The following PRMT7 variants were observed in gnomAD, a reference collection of about 807,000 sequenced individuals.
PRMT7 encodes protein arginine N-methyltransferase 7.
PRMT7 carries 75 observed loss-of-function variants against 85.4 expected under a neutral mutation model. The ratio of observed to expected loss-of-function variants is 0.88; its 90% CI spans 0.73 to 1.06. The LOEUF is 1.06. PRMT7 is among the 50% of genes least tolerant of loss of function. The pLI is 0.00. For missense variants in PRMT7, 868 were observed against 915.2 expected (o/e 0.95, Z 0.67); for synonymous variants, 397 against 359.5 (o/e 1.10, Z -1.18).
intron 6 of PRMT7, among the ~76,000 whole-genome samples, chr16:68,335,724 C>T (rs1317123133): frequency 6.6e-6 from 1 of 151,468 alleles, no homozygotes; most frequent in African/African-American, 2.4e-5. Context: ...AGGCTCCAGC[C>T]TCGAGCTCGA....
chr16:68,339,343 C>T lies in PRMT7; in HGVS notation c.526C>T (p.His176Tyr), dbSNP rs753981600. The T allele has an allele frequency of 2.9e-5, 47 of 1,613,994 alleles. 1 individual carries two copies. In the South Asian group the frequency reaches 4.3e-4, roughly 15 times the overall value. The change falls in exon 8 of 19, where the codon CAC becomes TAC. Residue 176 changes from histidine (H) to tyrosine (Y), a missense_variant. Physicochemically the swap from His to Tyr is moderately conservative, Grantham distance 83. Coordinates refer to ENST00000441236, the MANE Select transcript of PRMT7 (RefSeq NM_019023.5). The part of the protein sequence containing the change: ...LVEENCEAVP[H>Y]RATVYAQLVE... ...TTAGGAAAATTGTGAGGCCGTGCCC[C>T]ACAGAGCCACCGTCTATGCACAGCT...
At chr16:68,356,823 G>A (rs1049936188) in intron 18 of PRMT7, 26 bp downstream of exon 18, 3 of 1,587,526 alleles carry the variant, frequency 1.9e-6, no homozygotes, top group Non-Finnish European at 2.6e-6. Context: ...CGGGCCCAGT[G>A]TGCGTGCAGA....
chr16:68,332,219 A>G (rs2084003632), intron 6 of PRMT7, among the ~76,000 whole-genome samples: 1 of 152,152 alleles, frequency 6.6e-6, no homozygotes. Flanking sequence ...ACTATGTGAC[A>G]TTTTGATAAT....
intron 9 of PRMT7, among the ~76,000 whole-genome samples, chr16:68,340,690 A>AG (rs1176839291): frequency 1.3e-5 from 2 of 152,346 alleles, no homozygotes; most frequent in East Asian, 3.9e-4. Flanking sequence ...GGGGAAGCTC[A>AG]GGGAAAAAGC....
In PRMT7 at chr16:68,356,703, C is replaced by T. The variant is rs764201606; in HGVS notation, c.1814C>T (p.Pro605Leu). 39 of 1,611,462 alleles carry T rather than the reference C, an allele frequency of 2.4e-5. No homozygotes were observed. Among genetic ancestry groups the T allele is most frequent in the Non-Finnish European group, 3.1e-5 (37 of 1,179,460 alleles). ...CTGGGCCCCCCTCTCCTTGACAGGC[C>T]CGGGCAGAGCCACGCAGCGGTGCTA... ...CAEGTVELRR[P>L]GQSHAAVLWM... Residue 605 changes from proline (P) to leucine (L), a missense_variant and splice_region_variant, in exon 18 of 19, where the codon CCC (proline) becomes CTC (leucine). By Grantham distance (98) the Pro-to-Leu change is moderately conservative. Transcript: ENST00000441236.
intron 6 of PRMT7, among the ~76,000 whole-genome samples, chr16:68,334,006 A>G (rs1021359597): frequency 2.2e-4 from 34 of 152,210 alleles, no homozygotes; most frequent in Non-Finnish European, 2.8e-4. Flanking sequence ...CATGACCTCA[A>G]GCGATCTGCC....
At chr16:68,354,310 G>T (rs1323271021) in intron 16 of PRMT7, 1 of 152,318 alleles carries the variant, frequency 6.6e-6, no homozygotes, top group Non-Finnish European at 1.5e-5. Flanking sequence ...AGCCTGGGAG[G>T]TCGAGGCTGC....
At chr16:68,349,856 G>C (rs974973589) in intron 14 of PRMT7, among the ~76,000 whole-genome samples, 2 of 152,184 alleles carry the variant, frequency 1.3e-5, no homozygotes, top group Non-Finnish European at 2.9e-5. Flanking sequence ...GCTTGTGGCA[G>C]AGCACTACAG....
intron 6 of PRMT7, among the ~76,000 whole-genome samples, chr16:68,333,714 C>T (rs2084250950): frequency 6.6e-6 from 1 of 152,078 alleles, no homozygotes. Flanking sequence ...GACTCTGCCT[C>T]CAGGCAGCAT....
chr16:68,341,611 G>A (rs1349129873), intron 9 of PRMT7, among the ~76,000 whole-genome samples: 2 of 152,068 alleles, frequency 1.3e-5, no homozygotes, highest in Non-Finnish European at 2.9e-5. Context: ...GTTTCTCCAC[G>A]TTGGCCAGGC....
At chr16:68,337,626 GCACT>G in intron 7 of PRMT7, 55 bp downstream of exon 7, 1 of 1,242,644 alleles carries the variant, frequency 8.0e-7, no homozygotes, top group Non-Finnish European at 1.2e-6. Context: ...AGCTCACATA[GCACT>G]CACTCATGCA....
intron 4 of PRMT7, chr16:68,322,290 C>T (rs2082585885): frequency 2.9e-6 from 1 of 342,344 alleles, no homozygotes; most frequent in Non-Finnish European, 6.0e-6. Flanking sequence ...GCCTAGACTT[C>T]TTGGGCTTAA....
intron 4 of PRMT7, chr16:68,321,692 T>C (rs1818253769): frequency 2.2e-6 from 1 of 458,242 alleles, no homozygotes; most frequent in South Asian, 4.5e-5. Flanking sequence ...TCTATGTTTA[T>C]GGTAATACAA....
intron 6 of PRMT7, among the ~76,000 whole-genome samples, chr16:68,331,120 T>G (rs2083829357): frequency 6.6e-6 from 1 of 152,206 alleles, no homozygotes; most frequent in African/African-American, 2.4e-5. Context: ...CCCCATATCC[T>G]GGTCCTAGGC....
At chr16:68,347,388 T>C in intron 12 of PRMT7, 94 bp downstream of exon 12, 1 of 1,301,674 alleles carries the variant, frequency 7.7e-7, no homozygotes, top group Non-Finnish European at 1.0e-6. Context: ...CAAGGCTCTT[T>C]GCAAAGGCCA....
In PRMT7 at chr16:68,337,387, T is replaced by C. The variant is rs1053628640; in HGVS notation, c.392-72T>C. 89 of 1,063,816 alleles carry C rather than the reference T, an allele frequency of 8.4e-5. 1 individual carries two copies. The highest frequency in any genetic ancestry group is 1.1e-4 in the Non-Finnish European group (79 of 698,358). The allele number at this position is 1,063,816 out of a possible 1,614,324, so 65.9% of individuals were successfully genotyped here. A position where few individuals can be genotyped will look rare whatever the true frequency, so the allele number is the denominator to read the frequency against. Reference sequence around the variant, plus strand: ...GTGATGGCCCCTTAACCACTTATCTTTCCCATATTTGCTGTAAATATTTTT... The same window carrying C: ...GTGATGGCCCCTTAACCACTTATCTCTCCCATATTTGCTGTAAATATTTTT... On this transcript the variant is annotated intron_variant, in intron 6 of 18. Transcript: ENST00000441236.
At chr16:68,328,742 G>T (rs548411490) in intron 5 of PRMT7, among the ~76,000 whole-genome samples, 1 of 152,054 alleles carries the variant, frequency 6.6e-6, no homozygotes, top group African/African-American at 2.4e-5. Flanking sequence ...GGCACAGCAC[G>T]CCTCCCAGGT....
chr16:68,348,492 A>AAGTAGCCC, intron 14 of PRMT7, 61 bp downstream of exon 14: 1 of 1,388,566 alleles, frequency 7.2e-7, no homozygotes, highest in Non-Finnish European at 1.0e-6. Flanking sequence ...CACGGCACTG[A>AAGTAGCCC]AGTAGCCCAG....
Position 68,339,825 on chromosome 16 carries a change from TGCCATAGCAG to T in PRMT7, c.787_796del (p.His263GlyfsTer5). 6.2e-7 allele frequency: 1 copy of T among 1,614,148 alleles called. No homozygotes were observed. Among genetic ancestry groups the T allele is most frequent in the South Asian group, 1.1e-5 (1 of 91,082 alleles). ...CAAGCAAGTCAGTAGCTCAGCAGCC[TGCCATAGCAG>T]GCGGTTTGAACCTCTGACATCTGGC... On this transcript the variant is annotated frameshift_variant, in exon 9 of 19. Transcript: ENST00000441236. LOFTEE classifies it high-confidence loss of function.
Sources: gnomAD v4.1 joint callset for allele counts (sites outside exome capture counted in the v4.1 genomes callset) on GRCh38, gnomAD v4.1.1 for gene constraint, MANE v1.5 for transcripts, NCBI Gene and HGNC (gene_info 2026-07-23, HGNC 2026-07-21) for gene names.